Variants in ZBTB34 observed in about 807,000 individuals in gnomAD.
The protein encoded by ZBTB34 is zinc finger and BTB domain containing 34.
Under a neutral mutation model 33.4 loss-of-function variants are expected in ZBTB34, and 1 was observed. The observed-to-expected ratio is 0.03, with a 90% confidence interval of 0.01 to 0.14. The LOEUF is 0.14. ZBTB34 is among the 10% of genes least tolerant of loss of function. ZBTB34 has a pLI of 1.00. For missense variants in ZBTB34, 406 were observed against 657.2 expected (o/e 0.62, Z 4.18); for synonymous variants, 283 against 253.5 (o/e 1.12, Z -1.11).
intron 1 of ZBTB34, among the ~76,000 whole-genome samples, chr9:126,868,700 C>A (rs1415271405): frequency 6.6e-6 from 1 of 152,190 alleles, no homozygotes; most frequent in African/African-American, 2.4e-5. Context: ...TTTCAGGGCG[C>A]CGGTCTCAAT....
intron 1 of ZBTB34, among the ~76,000 whole-genome samples, chr9:126,878,240 G>A (rs1289598821): frequency 6.6e-6 from 1 of 150,450 alleles, no homozygotes; most frequent in African/African-American, 2.4e-5. Context: ...GAGGCCGAGG[G>A]GAGCAGATCA....
At chr9:126,868,416 A>C (rs2033236912) in intron 1 of ZBTB34, among the ~76,000 whole-genome samples, 1 of 151,864 alleles carries the variant, frequency 6.6e-6, no homozygotes, top group Admixed American at 6.6e-5. Flanking sequence ...CTGTGGGAGG[A>C]GTGTCCCAGG....
chr9:126,875,954 G>A (rs772948795), intron 1 of ZBTB34, among the ~76,000 whole-genome samples: 6 of 151,834 alleles, frequency 4.0e-5, no homozygotes, highest in Non-Finnish European at 8.8e-5. Context: ...TACCTTGAGA[G>A]AACAGTTCCA....
intron 1 of ZBTB34, among the ~76,000 whole-genome samples, chr9:126,861,042 C>A (rs2033136265): frequency 6.6e-6 from 1 of 152,052 alleles, no homozygotes; most frequent in African/African-American, 2.4e-5. Context: ...GCTCGGGCAG[C>A]TGCCCTGGGC....
At chr9:126,870,089 T>G (rs1355055371) in intron 1 of ZBTB34, among the ~76,000 whole-genome samples, 3 of 152,220 alleles carry the variant, frequency 2.0e-5, no homozygotes, top group African/African-American at 7.2e-5. Context: ...GTGGTTTTTT[T>G]GCCTAGAATA....
intron 1 of ZBTB34, among the ~76,000 whole-genome samples, chr9:126,877,626 C>T (rs1296389571): frequency 6.6e-6 from 1 of 152,214 alleles, no homozygotes; most frequent in Non-Finnish European, 1.5e-5. Flanking sequence ...AGGTGTGCCG[C>T]AGCTGTGAGC....
At chr9:126,883,440 AT>A (rs1343140751) in exon 2 of ZBTB34, 2 of 167,034 alleles carry the variant, frequency 1.2e-5, no homozygotes, top group African/African-American at 4.8e-5. Flanking sequence ...TCTTAACCTT[AT>A]TTACATGGAG....
exon 2 of ZBTB34, chr9:126,881,206 G>A (rs2033435838): frequency 2.8e-6 from 1 of 357,034 alleles, no homozygotes; most frequent in Non-Finnish European, 5.4e-6. Context: ...TATGCCAACT[G>A]GTTGACCCTC....
chr9:126,884,785 A>T (rs911833340), exon 2 of ZBTB34: 1 of 167,010 alleles, frequency 6.0e-6, no homozygotes, highest in African/African-American at 2.4e-5. Context: ...CTTTAAAGAG[A>T]TCAATGTATT....
rs192533261 is a variant in ZBTB34 at position 126,872,243 on chromosome 9, G to A, written c.-10-7147G>A. Reference sequence around the variant, plus strand: ...TGGGATTACAGGCGTGAGCCACCGCGCCCGGCCTACAAAAAACTTTTTTAA... The same window carrying A: ...TGGGATTACAGGCGTGAGCCACCGCACCCGGCCTACAAAAAACTTTTTTAA... On this transcript the variant is annotated intron_variant, in intron 1 of 1. Transcript: ENST00000319119. Among the ~76,000 whole-genome samples, 414 of 152,256 alleles carry A rather than the reference G, an allele frequency of 2.7e-3. 3 individuals carry two copies. The highest frequency in any genetic ancestry group is 9.4e-3 in the African/African-American group (391 of 41,534).
At chr9:126,871,395 G>A (rs1472096915) in intron 1 of ZBTB34, among the ~76,000 whole-genome samples, 2 of 144,732 alleles carry the variant, frequency 1.4e-5, no homozygotes, top group South Asian at 2.2e-4. Context: ...ATGGAGTCTC[G>A]CTCTGTCGCC....
chr9:126,875,759 G>T (rs2033348113), intron 1 of ZBTB34, among the ~76,000 whole-genome samples: 2 of 152,034 alleles, frequency 1.3e-5, no homozygotes, highest in African/African-American at 4.8e-5. Context: ...TAGTAATTTT[G>T]TCTCTTTTTT....
intron 1 of ZBTB34, among the ~76,000 whole-genome samples, chr9:126,872,988 A>G (rs2033300906): frequency 6.6e-6 from 1 of 152,172 alleles, no homozygotes; most frequent in Non-Finnish European, 1.5e-5. Flanking sequence ...AGGAGGGGGA[A>G]GCCTCATTGG....
intron 1 of ZBTB34, among the ~76,000 whole-genome samples, chr9:126,874,880 C>T (rs894901261): frequency 6.6e-6 from 1 of 152,166 alleles, no homozygotes; most frequent in African/African-American, 2.4e-5. Flanking sequence ...ACTCCCCCAT[C>T]GTGAAAGATC....
rs1193336103 is a variant in ZBTB34 at position 126,880,528 on chromosome 9, A to C, written c.1129A>C (p.Ile377Leu). ...TTGGTACCCGTACAATGAGAGGTTG[A>C]TCTGTATTTACTGTGGAAAGTCCTT... The change falls in exon 2 of 2, where the codon ATC (isoleucine) becomes CTC (leucine). Residue 377 changes from isoleucine to leucine, a missense_variant. Physicochemically the swap from Ile to Leu is conservative, Grantham distance 5. Transcript: ENST00000319119. This position sits in a 1 kb window ranked among gnomAD's most constrained non-coding sequence, Gnocchi z 6.7. 6.2e-7 allele frequency: 1 copy of C among 1,613,854 alleles called. No homozygotes were observed. The highest frequency in any genetic ancestry group is 1.1e-5 in the South Asian group (1 of 91,080).
intron 1 of ZBTB34, among the ~76,000 whole-genome samples, chr9:126,874,036 C>CTTTTTTT (rs781115278): frequency 3.8e-4 from 25 of 66,072 alleles, no homozygotes; most frequent in Non-Finnish European, 4.9e-4. Context: ...TGTGTATGTT[C>CTTTTTTT]TTTTTTTTTT....
Position 126,879,948 on chromosome 9 carries a change from C to T in ZBTB34, c.549C>T (p.Asp183=). The T allele has an allele frequency of 6.2e-7, 1 of 1,613,260 alleles. No homozygotes were observed. Among genetic ancestry groups the T allele is most frequent in the Non-Finnish European group, 8.5e-7 (1 of 1,179,894 alleles). The change falls in exon 2 of 2, where the codon GAC becomes GAT. Residue 183 remains aspartate, a synonymous_variant. Transcript: ENST00000319119. This position sits in a 1 kb window ranked among gnomAD's most constrained non-coding sequence, Gnocchi z 6.4. The stretch of plus-strand genomic sequence containing the variant: ...GACGGCAGCCCACCGCAAGCAGTGA[C>T]CTCCGGATGGAGACGACCCCCAGCA...
At chr9:126,874,133 C>T (rs1265683097) in intron 1 of ZBTB34, among the ~76,000 whole-genome samples, 1 of 145,378 alleles carries the variant, frequency 6.9e-6, no homozygotes, top group East Asian at 2.2e-4. Context: ...GCTCCGTCCT[C>T]CAGGTTCACG....
At chr9:126,876,181 TTCCCCCTTCCCTCCTTTC>T (rs1564224347) in intron 1 of ZBTB34, among the ~76,000 whole-genome samples, 9 of 140 alleles carry the variant, frequency 0.064, no homozygotes, top group South Asian at 0.25. Flanking sequence ...CTTCCCCCCT[TTCCCCCTTCCCTCCTTTC>T]CCCCCCTTTC....
Sources: gnomAD v4.1 joint callset for allele counts (sites outside exome capture counted in the v4.1 genomes callset) on GRCh38, gnomAD v4.1.1 for gene constraint, Gnocchi (gnomAD v3.1) non-coding constraint, MANE v1.5 for transcripts, NCBI Gene and HGNC (gene_info 2026-07-23, HGNC 2026-07-21) for gene names.